Variants in MSANTD2 observed in about 807,000 individuals in gnomAD.
MSANTD2 encodes the protein myb/SANT-like DNA-binding domain-containing protein 2.
A neutral mutation model predicts 52.6 loss-of-function variants in MSANTD2; 19 were observed. That is an observed-to-expected ratio of 0.36 (90% confidence interval 0.25 to 0.53). The LOEUF is 0.53. Among genes scored for constraint, MSANTD2 ranks in the 20% least tolerant of loss-of-function variants. The pLI is 0.91. For synonymous variants in MSANTD2, 291 were observed against 289.7 expected (o/e 1.00, Z -0.04); for missense variants, 558 against 716.3 (o/e 0.78, Z 2.52).
chr11:124,784,395 A>G, intron 1 of MSANTD2: 3 of 985,260 alleles, frequency 3.0e-6, no homozygotes, highest in Non-Finnish European at 3.6e-6. Context: ...CTGGCATAGC[A>G]GGGGAGAACC....
At chr11:124,784,686 C>T in intron 1 of MSANTD2, 51 of 983,370 alleles carry the variant, frequency 5.2e-5, no homozygotes, top group Non-Finnish European at 6.2e-5. Context: ...GTTATTTTCT[C>T]ACTAAAAACT....
At chr11:124,780,261 C>G (rs989260876) in intron 1 of MSANTD2, among the ~76,000 whole-genome samples, 1 of 152,148 alleles carries the variant, frequency 6.6e-6, no homozygotes, top group Admixed American at 6.5e-5. Flanking sequence ...TAGGAAATTA[C>G]TTAAGGCAAA....
At chr11:124,793,439 GGA>G (rs1174444519) in intron 1 of MSANTD2, among the ~76,000 whole-genome samples, 7 of 152,104 alleles carry the variant, frequency 4.6e-5, no homozygotes, top group Non-Finnish European at 8.8e-5. Flanking sequence ...ATCTTCCAGA[GGA>G]TACATGGGTT....
intron 1 of MSANTD2, among the ~76,000 whole-genome samples, chr11:124,777,623 C>T (rs1944794220): frequency 6.6e-6 from 1 of 152,192 alleles, no homozygotes; most frequent in Admixed American, 6.5e-5. Context: ...TATCAAAAGA[C>T]ACTAACAGAT....
Position 124,767,066 on chromosome 11 carries a change from G to C in MSANTD2, c.*110C>G, listed in dbSNP as rs1944327207. ...GTCGTACTGGCCCAATTGAAGAAAG[G>C]GTTTCCATGAAGAGTCTGACGGCGG... On this transcript the variant is annotated 3_prime_UTR_variant, in exon 4 of 4. Transcript: ENST00000374979. The surrounding 1 kb of genome is among the most constrained non-coding windows in gnomAD (Gnocchi z 6.5). 2 of 1,125,030 alleles carry C rather than the reference G, an allele frequency of 1.8e-6. No homozygotes were observed. The highest frequency in any genetic ancestry group is 3.1e-5 in the South Asian group (2 of 63,796). 69.7% of individuals were successfully genotyped at this position (1,125,030 alleles called of 1,614,324 possible). A position where few individuals can be genotyped will look rare whatever the true frequency, so the allele number is the denominator to read the frequency against.
rs891635393 is a variant in MSANTD2, at chr11:124,774,760, T to C, written c.725A>G (p.His242Arg). 1.5e-5 allele frequency: 25 copies of C among 1,613,990 alleles called. No homozygotes were observed. The highest frequency in any genetic ancestry group is 1.9e-5 in the Non-Finnish European group (23 of 1,179,928). Residue 242 changes from histidine (H) to arginine (R), a missense_variant, in exon 2 of 4, where the codon CAC becomes CGC. Physicochemically the swap from His to Arg is conservative, Grantham distance 29. Around this residue, in one of 2 missense-constraint regions of MSANTD2, gnomAD observed 408 missense variants for 573.6 expected, o/e 0.71. Coordinates refer to ENST00000374979, the MANE Select transcript of MSANTD2 (RefSeq NM_001308027.2). The surrounding 1 kb of genome is among the most constrained non-coding windows in gnomAD (Gnocchi z 5.1). ...TGGATAGCCATGGAGATCCTGACTG[T>C]GGTTTCCCCAGTCCTCCTGTGAATA... ...EDYSQEDWGN[H>R]SQDLHGYPTD... is the part of the protein sequence containing the mutation.
chr11:124,772,778 T>C (rs7129148), intron 3 of MSANTD2, among the ~76,000 whole-genome samples: 5,382 of 143,884 alleles, frequency 0.037, 290 homozygotes, highest in African/African-American at 0.11. Flanking sequence ...AAAGAACGTA[T>C]AGACATCACA....
At chr11:124,770,416 GC>G (rs1944468756) in intron 3 of MSANTD2, among the ~76,000 whole-genome samples, 1 of 151,352 alleles carries the variant, frequency 6.6e-6, no homozygotes, top group Admixed American at 6.6e-5. Context: ...CCCCACCTCA[GC>G]CTTCTGAGTA....
intron 2 of MSANTD2, among the ~76,000 whole-genome samples, chr11:124,773,762 A>G (rs1354928663): frequency 6.6e-6 from 1 of 152,202 alleles, no homozygotes; most frequent in Non-Finnish European, 1.5e-5. Flanking sequence ...AATTTGGTAA[A>G]AAACAGAGCC....
At position 124,800,388 on chromosome 11, in the gene MSANTD2, G is replaced by A. The variant is rs777700840; in HGVS notation, c.-8C>T. The A allele has an allele frequency of 5.3e-6, 8 of 1,502,070 alleles. No homozygotes were observed. In the African/African-American group the frequency reaches 5.8e-5, roughly 11 times the overall value. The allele number at this position is 1,502,070 out of a possible 1,614,324, so 93.0% of individuals were successfully genotyped here. A position where few individuals can be genotyped will look rare whatever the true frequency, so the allele number is the denominator to read the frequency against. On this transcript the variant is annotated 5_prime_UTR_variant, in exon 1 of 4. Coordinates refer to ENST00000374979, the MANE Select transcript of MSANTD2 (RefSeq NM_001308027.2). The surrounding 1 kb of genome is among the most constrained non-coding windows in gnomAD (Gnocchi z 4.3). ...GCCACAGGGCGCAGCCATCTTCCAA[G>A]CGGCCGCCGCTGCACCGCCCGGAAG...
intron 1 of MSANTD2, chr11:124,775,592 C>T (rs1039208036): frequency 6.6e-6 from 1 of 152,488 alleles, no homozygotes; most frequent in African/African-American, 2.4e-5. Context: ...CTACAAATTC[C>T]AGGTCTCAAA....
In MSANTD2 at chr11:124,800,045, G is replaced by C. The variant is rs771600124; in HGVS notation, c.336C>G (p.Leu112=). 9 of 1,567,700 alleles carry C rather than the reference G, an allele frequency of 5.7e-6. No homozygotes were observed. Among genetic ancestry groups the C allele is most frequent in the Middle Eastern group, 2.2e-4 (1 of 4,520 alleles). The change falls in exon 1 of 4, where the codon CTC becomes CTG. Residue 112 remains leucine (L), a synonymous_variant. Transcript: ENST00000374979. This position sits in a 1 kb window ranked among gnomAD's most constrained non-coding sequence, Gnocchi z 4.3. ...MSWTPAETNA[L]IAVWGNERLV... ...GCCGCTCGTTGCCCCACACTGCGAT[G>C]AGCGCGTTCGTCTCGGCTGGCGTCC...
intron 3 of MSANTD2, among the ~76,000 whole-genome samples, chr11:124,770,314 G>T (rs1245847339): frequency 1.8e-4 from 26 of 143,240 alleles, no homozygotes; most frequent in East Asian, 2.0e-4. Flanking sequence ...TTGTTTGTTT[G>T]TTTTTTTTTT....
At chr11:124,784,531 CATCGT>C in intron 1 of MSANTD2, 1 of 984,304 alleles carries the variant, frequency 1.0e-6, no homozygotes, top group Non-Finnish European at 1.2e-6. Flanking sequence ...ACCATTACAA[CATCGT>C]ATTGCTTCCC....
At chr11:124,794,513 A>C (rs1209820590) in intron 1 of MSANTD2, among the ~76,000 whole-genome samples, 1 of 152,232 alleles carries the variant, frequency 6.6e-6, no homozygotes, top group African/African-American at 2.4e-5. Context: ...CAGGAAATAA[A>C]TCTAAACCTA....
At chr11:124,782,357 C>G (rs1392977532) in intron 1 of MSANTD2, among the ~76,000 whole-genome samples, 1 of 151,848 alleles carries the variant, frequency 6.6e-6, no homozygotes, top group Non-Finnish European at 1.5e-5. Flanking sequence ...GAGGCTGAGG[C>G]AGGAAGATCC....
chr11:124,798,155 T>G (rs1047194633), intron 1 of MSANTD2, among the ~76,000 whole-genome samples: 1 of 149,148 alleles, frequency 6.7e-6, no homozygotes, highest in African/African-American at 2.5e-5. Context: ...GTAATCCTAG[T>G]GCTTTGGGAG....
intron 3 of MSANTD2, among the ~76,000 whole-genome samples, chr11:124,770,780 G>GT (rs1054956993): frequency 0.22 from 28,989 of 132,014 alleles, 3,381 homozygotes; most frequent in African/African-American, 0.3. Context: ...TAATTTTTTG[G>GT]TTTTTTTTTT....
chr11:124,792,982 C>T (rs1311862905), intron 1 of MSANTD2, among the ~76,000 whole-genome samples: 2 of 152,108 alleles, frequency 1.3e-5, no homozygotes, highest in Non-Finnish European at 2.9e-5. Context: ...ATTCAGGAGC[C>T]CAGCACCACT....
Sources: allele counts gnomAD v4.1 joint callset (sites outside exome capture counted in the v4.1 genomes callset), GRCh38; gene constraint gnomAD v4.1.1; regional missense constraint gnomAD v4.1.1; non-coding constraint Gnocchi (gnomAD v3.1); transcripts MANE v1.5; gene names NCBI Gene and HGNC (gene_info 2026-07-23, HGNC 2026-07-21).